Variants in CCDC191 observed in about 807,000 individuals in gnomAD.
The protein encoded by CCDC191 is coiled-coil domain containing 191, also known as coiled-coil domain-containing protein 191.
In CCDC191, 99 loss-of-function variants were observed where a neutral mutation model predicts 114.0. The observed-to-expected ratio is 0.87, with a 90% CI of 0.74 to 1.03. The LOEUF is 1.03. CCDC191 is among the 50% of genes least tolerant of loss of function. CCDC191 has a pLI of 0.00. For missense variants in CCDC191, 973 were observed against 1,087.0 expected (o/e 0.90, Z 1.47); for synonymous variants, 351 against 376.0 (o/e 0.93, Z 0.77).
At position 114,056,491 on chromosome 3, in the gene CCDC191, G is replaced by C. The variant is rs375228287; in HGVS notation, c.-25C>G. The C allele has an allele frequency of 6.2e-7, 1 of 1,613,762 alleles. No individual in the cohort carries two copies. Among genetic ancestry groups the C allele is most frequent in the African/African-American group, 1.3e-5 (1 of 74,902 alleles). ...TTTTCCAAGTTCGAGCCCGAACCTC[G>C]GCCAAAGCTGCAGCAACCGCCCTTC... On this transcript the variant is annotated 5_prime_UTR_variant, in exon 1 of 17. Transcript: ENST00000295878.
chr3:114,024,699 G>T (rs1250043360), intron 7 of CCDC191, among the ~76,000 whole-genome samples: 1 of 152,046 alleles, frequency 6.6e-6, no homozygotes, highest in Admixed American at 6.5e-5. Flanking sequence ...AGGGGCTGTT[G>T]TGGGGTAGGG....
At chr3:114,032,501 T>A (rs867709965) in intron 6 of CCDC191, among the ~76,000 whole-genome samples, 1 of 152,152 alleles carries the variant, frequency 6.6e-6, no homozygotes, top group Non-Finnish European at 1.5e-5. Context: ...GTGTATAAAG[T>A]ATATATTATT....
Position 114,028,570 on chromosome 3 carries a change from C to T in CCDC191, c.972+3056G>A, listed in dbSNP as rs993779138. ...AAAGTGCTGGAATTACAGGCTTGAG[C>T]CACCGTGCCCGGCCTCTAAAACTAT... On this transcript the variant is annotated intron_variant, in intron 7 of 16. Transcript: ENST00000295878. 5.3e-5 allele frequency among the ~76,000 whole-genome samples: 8 copies of T among 152,012 alleles called. No homozygotes were observed. The East Asian group carries it at 1.4e-3, about 26-fold the overall frequency.
At chr3:113,984,936 C>T (rs990456910) in intron 13 of CCDC191, among the ~76,000 whole-genome samples, 1 of 152,156 alleles carries the variant, frequency 6.6e-6, no homozygotes, top group Admixed American at 6.5e-5. Context: ...AAGCTACCCC[C>T]AAATTTGGAG....
At chr3:113,978,415 A>G in intron 15 of CCDC191, 84 bp from the exon 16 acceptor site, 2 of 1,377,284 alleles carry the variant, frequency 1.5e-6, no homozygotes, top group Non-Finnish European at 2.0e-6. Flanking sequence ...CAAAAGACAG[A>G]AATGAAACAA....
intron 7 of CCDC191, among the ~76,000 whole-genome samples, chr3:114,019,095 A>G (rs1449106236): frequency 1.3e-5 from 2 of 152,170 alleles, no homozygotes; most frequent in Non-Finnish European, 2.9e-5. Context: ...ACTTAAACTA[A>G]AATACTTCAT....
chr3:114,053,549 T>C (rs748875653), intron 2 of CCDC191, 48 bp downstream of exon 2: 2 of 1,140,966 alleles, frequency 1.8e-6, no homozygotes, highest in Non-Finnish European at 2.6e-6. Context: ...CATCTGATTA[T>C]GCTTGACTCT....
At chr3:114,002,580 A>AATAATATATTATTATATT in intron 11 of CCDC191, 42 bp from the exon 12 acceptor site, 1 of 1,488,254 alleles carries the variant, frequency 6.7e-7, no homozygotes, top group East Asian at 2.3e-5. Flanking sequence ...TTATATTGAA[A>AATAATATATTATTATATT]AAATATGAGG....
rs372465291 is a variant in CCDC191 at position 114,005,991 on chromosome 3, A to G, written c.1414-29T>C. On this transcript the variant is annotated intron_variant, in intron 9 of 16. Transcript: ENST00000295878. ...AGAGAGAGAAACATGTTATAGCTCAACTATTTAAAGGACTGTGCTGATGAA... is the reference window on the plus strand; with the variant it reads ...AGAGAGAGAAACATGTTATAGCTCAGCTATTTAAAGGACTGTGCTGATGAA... 73 of 1,576,164 alleles carry G rather than the reference A, an allele frequency of 4.6e-5. No individual in the cohort carries two copies. In the African/African-American group the frequency reaches 9.3e-4, roughly 20 times the overall value.
rs1559860839 is a variant in CCDC191, at chr3:113,965,362, TTAAGAA to T, written c.2607-9_2607-4del. ...GAAGGGTGATCCAGAGGATCCTCCT[TTAAGAA>T]TAAAGAAGGAAAAAAGTGAAATGTT... On this transcript the variant is annotated splice_region_variant and splice_polypyrimidine_tract_variant and intron_variant, in intron 16 of 16. Transcript: ENST00000295878. The T allele has an allele frequency of 1.9e-6, 3 of 1,549,792 alleles. No homozygotes were observed. The East Asian group carries it at 6.8e-5, about 35-fold the overall frequency.
At chr3:114,031,879 G>C in intron 6 of CCDC191, 100 bp from the exon 7 acceptor site, 1 of 612,088 alleles carries the variant, frequency 1.6e-6, no homozygotes, top group Admixed American at 3.3e-5. Context: ...TTCTCCTTCG[G>C]AATACACATA....
Position 114,042,811 on chromosome 3 carries a change from G to A in CCDC191, c.307C>T (p.Leu103Phe), listed in dbSNP as rs200389873. Residue 103 changes from leucine (L) to phenylalanine (F), a missense_variant, in exon 4 of 17, where the codon CTT (leucine) becomes TTT (phenylalanine). Leu to Phe is a conservative substitution (Grantham distance 22, BLOSUM62 0). Transcript: ENST00000295878. ...ELVNDWLDTK[L>F]KQELASEEEG... is the part of the protein sequence containing the mutation. ...TCCTCACTTGCTAATTCTTGCTTAA[G>A]TTTGGTGTCTAACCAGTCATTGACC... The A allele has an allele frequency of 2.1e-5, 34 of 1,601,404 alleles. No individual in the cohort carries two copies. Among genetic ancestry groups the A allele is most frequent in the Non-Finnish European group, 1.4e-5 (17 of 1,175,538 alleles).
At chr3:113,984,127 C>T (rs13099316) in intron 13 of CCDC191, 76,245 of 151,968 alleles carry the variant, frequency 0.5, 19,254 homozygotes, top group Middle Eastern at 0.6. Flanking sequence ...AATGGTGTCA[C>T]AGCACCCTAT....
chr3:113,990,743 C>T (rs1028266687), intron 13 of CCDC191, among the ~76,000 whole-genome samples: 1 of 151,570 alleles, frequency 6.6e-6, no homozygotes, highest in South Asian at 2.1e-4. Flanking sequence ...AAAGGGTATA[C>T]TTCCCCCATT....
chr3:114,047,060 A>AT (rs1388222970), intron 2 of CCDC191: 1 of 955,366 alleles, frequency 1.0e-6, no homozygotes, highest in East Asian at 1.1e-4. Flanking sequence ...TACTTTAAAT[A>AT]AAAAATATTA....
At chr3:113,998,992 A>G (rs114449735) in intron 13 of CCDC191, among the ~76,000 whole-genome samples, 1 of 152,140 alleles carries the variant, frequency 6.6e-6, no homozygotes, top group Admixed American at 6.6e-5. Context: ...TTGATCGAAC[A>G]ATGGAATAGC....
At position 113,966,488 on chromosome 3, in the gene CCDC191, A is replaced by G. The variant is rs147527030; in HGVS notation, c.2607-1129T>C. Among the ~76,000 whole-genome samples, 765 of 152,310 alleles carry G rather than the reference A, an allele frequency of 5.0e-3. 1 individual carries two copies. Among genetic ancestry groups the G allele is most frequent in the Non-Finnish European group, 7.6e-3 (518 of 68,018 alleles). ...AGGACTACCCAGTCTGGTGGTGAGG[A>G]GCAGACCTTTTTGAAGATGATGTCT... On this transcript the variant is annotated intron_variant, in intron 16 of 16. Transcript: ENST00000295878.
intron 7 of CCDC191, among the ~76,000 whole-genome samples, chr3:114,020,887 C>T (rs1346623387): frequency 6.6e-6 from 1 of 152,054 alleles, no homozygotes; most frequent in African/African-American, 2.4e-5. Flanking sequence ...CAATCCTTTT[C>T]TTTGTAAAGT....
chr3:114,017,097 AT>A (rs2076171151), intron 8 of CCDC191, among the ~76,000 whole-genome samples: 2 of 147,654 alleles, frequency 1.4e-5, no homozygotes, highest in South Asian at 4.3e-4. Context: ...ACCTTCAAGG[AT>A]TCACTTTTTT....
Sources: allele counts gnomAD v4.1 joint callset (sites outside exome capture counted in the v4.1 genomes callset), GRCh38; gene constraint gnomAD v4.1.1; transcripts MANE v1.5; gene names NCBI Gene and HGNC (gene_info 2026-07-23, HGNC 2026-07-21).